Variants in SH3PXD2A observed in about 807,000 individuals in gnomAD.
The protein encoded by SH3PXD2A is SH3 and PX domains 2A, also known as SH3 and PX domain-containing protein 2A.
A neutral mutation model predicts 115.2 loss-of-function variants in SH3PXD2A; 32 were observed. That is an observed-to-expected ratio of 0.28 (90% CI 0.21 to 0.37). SH3PXD2A has a LOEUF of 0.37. Ranked by LOEUF, SH3PXD2A falls within the 10% of genes least tolerant of loss-of-function variation. SH3PXD2A has a pLI of 1.00. For synonymous variants in SH3PXD2A, 610 were observed against 629.1 expected (o/e 0.97, Z 0.45); for missense variants, 1,328 against 1,498.7 (o/e 0.89, Z 1.88).
chr10:103,803,924 G>A (rs2039171692), intron 1 of SH3PXD2A, among the ~76,000 whole-genome samples: 1 of 152,146 alleles, frequency 6.6e-6, no homozygotes, highest in African/African-American at 2.4e-5. Flanking sequence ...CATCTGGAAG[G>A]GTGAGACAAC....
At chr10:103,669,778 C>T (rs1414775332) in intron 6 of SH3PXD2A, among the ~76,000 whole-genome samples, 3 of 152,260 alleles carry the variant, frequency 2.0e-5, no homozygotes, top group African/African-American at 4.8e-5. Context: ...GACAAACTCT[C>T]GCACTGCCCA....
At chr10:103,772,186 G>A (rs1285432614) in intron 2 of SH3PXD2A, among the ~76,000 whole-genome samples, 5 of 152,220 alleles carry the variant, frequency 3.3e-5, no homozygotes, top group African/African-American at 1.2e-4. Context: ...ACGTCAGATC[G>A]GCGGGCGGTG....
At chr10:103,650,025 C>T (rs146823741) in intron 8 of SH3PXD2A, among the ~76,000 whole-genome samples, 26 of 152,344 alleles carry the variant, frequency 1.7e-4, no homozygotes, top group African/African-American at 6.0e-4. Flanking sequence ...CCAGTTGGGG[C>T]ACGTGAAGCT....
At position 103,728,885 on chromosome 10, in the gene SH3PXD2A, G is replaced by GT. The variant is rs1170237835; in HGVS notation, c.307-4525dup. On this transcript the variant is annotated intron_variant, in intron 4 of 14. Transcript: ENST00000369774. ...TAAGTAGCAAAGAGTTGTTTTTTTT[G>GT]TTTGTTTGTTTGTTTTTTTTTTTTT... Among the ~76,000 whole-genome samples the GT allele has an allele frequency of 1.3e-4, 13 of 99,140 alleles. 1 individual carries two copies. The highest frequency in any genetic ancestry group is 6.4e-4 in the African/African-American group (13 of 20,230). 65.0% of individuals were successfully genotyped at this position (99,140 alleles called of 152,430 possible). A position where few individuals can be genotyped will look rare whatever the true frequency, so the allele number is the denominator to read the frequency against.
chr10:103,735,077 A>C (rs2038365007), intron 4 of SH3PXD2A, among the ~76,000 whole-genome samples: 1 of 152,232 alleles, frequency 6.6e-6, no homozygotes, highest in African/African-American at 2.4e-5. Flanking sequence ...GCCATGTGCC[A>C]AGGAAACTGA....
At chr10:103,674,847 CAAAACAAAATA>C (rs757121872) in intron 6 of SH3PXD2A, among the ~76,000 whole-genome samples, 16 of 147,840 alleles carry the variant, frequency 1.1e-4, no homozygotes, top group Non-Finnish European at 1.8e-4. Flanking sequence ...AACAAACAAA[CAAAACAAAATA>C]AAACAAAACA....
chr10:103,596,519 G>C lies in SH3PXD2A; in HGVS notation c.*5297C>G, dbSNP rs903082504. On this transcript the variant is annotated 3_prime_UTR_variant, in exon 15 of 15. Transcript: ENST00000369774. ...TGCTGCCAGAAGCTGTGAGTCCCTT[G>C]GGACCTGCCCATTGCCAAGGACTTG... The C allele has an allele frequency of 1.3e-5, 2 of 152,534 alleles. No individual in the cohort carries two copies. The highest frequency in any genetic ancestry group is 4.8e-5 in the African/African-American group (2 of 41,418). 9.4% of individuals were successfully genotyped at this position (152,534 alleles called of 1,614,324 possible).
intron 10 of SH3PXD2A, among the ~76,000 whole-genome samples, chr10:103,617,548 C>T (rs1039105191): frequency 1.3e-5 from 2 of 152,156 alleles, no homozygotes; most frequent in African/African-American, 4.8e-5. Flanking sequence ...CAGCCAGGAC[C>T]CAGGTTGTCA....
intron 7 of SH3PXD2A, 43 bp from the exon 8 acceptor site, chr10:103,661,157 T>G: frequency 6.3e-7 from 1 of 1,599,568 alleles, no homozygotes. Flanking sequence ...CGGCCAGCCA[T>G]GGCCCCGCGG....
At chr10:103,679,044 G>A (rs988651201) in intron 6 of SH3PXD2A, among the ~76,000 whole-genome samples, 1 of 152,184 alleles carries the variant, frequency 6.6e-6, no homozygotes, top group Non-Finnish European at 1.5e-5. Context: ...CTGAACAGAT[G>A]TCCTCTGCAC....
At chr10:103,631,572 T>C (rs933562980) in intron 8 of SH3PXD2A, among the ~76,000 whole-genome samples, 4 of 152,108 alleles carry the variant, frequency 2.6e-5, no homozygotes. Context: ...GGATCATGAT[T>C]GAAGGTCCCC....
intron 1 of SH3PXD2A, 111 bp downstream of exon 1, chr10:103,855,084 C>A: frequency 1.6e-6 from 1 of 617,112 alleles, no homozygotes; most frequent in South Asian, 2.7e-5. Flanking sequence ...TGCTGGCTGC[C>A]CAGTGGGCGC....
intron 6 of SH3PXD2A, among the ~76,000 whole-genome samples, chr10:103,681,594 A>C (rs1397180740): frequency 6.6e-6 from 1 of 152,202 alleles, no homozygotes; most frequent in Non-Finnish European, 1.5e-5. Flanking sequence ...AAATACAAAA[A>C]TTAGCCAGGT....
intron 6 of SH3PXD2A, chr10:103,673,554 A>G (rs999839614): frequency 2.6e-5 from 4 of 152,168 alleles, no homozygotes; most frequent in Admixed American, 6.5e-5. Context: ...ACAGAGTGAG[A>G]CCCTGTCTCA....
chr10:103,801,178 T>C (rs1478182468), intron 2 of SH3PXD2A, 104 bp downstream of exon 2: 6 of 713,818 alleles, frequency 8.4e-6, no homozygotes, highest in Non-Finnish European at 2.5e-6. Context: ...ACCTGGACTC[T>C]GACCCTGACA....
At chr10:103,731,165 GTT>G (rs151223661) in intron 4 of SH3PXD2A, among the ~76,000 whole-genome samples, 4 of 141,944 alleles carry the variant, frequency 2.8e-5, no homozygotes, top group Admixed American at 7.0e-5. Flanking sequence ...TCCCGTTTTT[GTT>G]TTTTTTTTTT....
chr10:103,678,546 G>C (rs889601674), intron 6 of SH3PXD2A, among the ~76,000 whole-genome samples: 1 of 152,236 alleles, frequency 6.6e-6, no homozygotes, highest in Admixed American at 6.5e-5. Context: ...TCAGTGCTCA[G>C]CCCTGGCCCT....
intron 1 of SH3PXD2A, among the ~76,000 whole-genome samples, chr10:103,845,564 A>G (rs1224203168): frequency 6.6e-6 from 1 of 152,192 alleles, no homozygotes; most frequent in Non-Finnish European, 1.5e-5. Context: ...CCCCTGGTTT[A>G]GCATATCATC....
At chr10:103,781,523 C>T (rs924939987) in intron 2 of SH3PXD2A, among the ~76,000 whole-genome samples, 2 of 152,216 alleles carry the variant, frequency 1.3e-5, no homozygotes, top group African/African-American at 2.4e-5. Flanking sequence ...GTTTGTTATA[C>T]AGCAGTTAGC....
Sources: allele counts gnomAD v4.1 joint callset (sites outside exome capture counted in the v4.1 genomes callset), GRCh38; gene constraint gnomAD v4.1.1; transcripts MANE v1.5; gene names NCBI Gene and HGNC (gene_info 2026-07-23, HGNC 2026-07-21).